Variants in ZRANB3 observed in about 807,000 individuals in gnomAD.
ZRANB3 encodes zinc finger RANBP2-type containing 3, also known as DNA annealing helicase and endonuclease ZRANB3.
In ZRANB3, 125 loss-of-function variants were observed where a neutral mutation model predicts 133.8. That is an observed-to-expected ratio of 0.93 (90% CI 0.81 to 1.08). ZRANB3 has a LOEUF of 1.08. ZRANB3 is among the 50% of genes least tolerant of loss of function. ZRANB3 has a pLI of 0.00. For missense variants in ZRANB3, 1,229 were observed against 1,275.5 expected (o/e 0.96, Z 0.56); for synonymous variants, 387 against 432.7 (o/e 0.89, Z 1.31).
chr2:135,340,104 C>CTTTTTT (rs769541283), intron 6 of ZRANB3, among the ~76,000 whole-genome samples: 3 of 123,772 alleles, frequency 2.4e-5, no homozygotes, highest in African/African-American at 2.9e-5. Context: ...TGTCCCTTTT[C>CTTTTTT]TTTTTTTTTT....
chr2:135,370,604 C>T (rs1180072375), intron 3 of ZRANB3, among the ~76,000 whole-genome samples: 2 of 151,972 alleles, frequency 1.3e-5, no homozygotes, highest in Non-Finnish European at 2.9e-5. Context: ...TCAATGGATA[C>T]AGGAAAAAAA....
At chr2:135,220,453 A>G (rs1694492606) in intron 15 of ZRANB3, among the ~76,000 whole-genome samples, 1 of 151,964 alleles carries the variant, frequency 6.6e-6, no homozygotes, top group Admixed American at 6.6e-5. Flanking sequence ...TACTCCCAGC[A>G]CTTTGGGAGG....
At chr2:135,380,633 G>A (rs959765495) in intron 3 of ZRANB3, among the ~76,000 whole-genome samples, 6 of 152,076 alleles carry the variant, frequency 3.9e-5, no homozygotes, top group Admixed American at 2.6e-4. Context: ...AAGACACAAC[G>A]TACCAGAATC....
At chr2:135,319,413 T>C (rs571799361) in intron 6 of ZRANB3, among the ~76,000 whole-genome samples, 10 of 152,306 alleles carry the variant, frequency 6.6e-5, no homozygotes, top group South Asian at 6.2e-4. Flanking sequence ...CTTCAGTCTT[T>C]ACTCAAGCAT....
chr2:135,297,279 G>T (rs1682174870), intron 8 of ZRANB3, among the ~76,000 whole-genome samples: 1 of 152,164 alleles, frequency 6.6e-6, no homozygotes, highest in Non-Finnish European at 1.5e-5. Flanking sequence ...GGCAATGGGG[G>T]GCACCCCTCC....
chr2:135,211,877 A>G (rs918026994), intron 17 of ZRANB3, among the ~76,000 whole-genome samples: 2 of 152,222 alleles, frequency 1.3e-5, no homozygotes, highest in Non-Finnish European at 2.9e-5. Flanking sequence ...TATAGAATAA[A>G]TCCCCAGAAG....
chr2:135,404,498 G>C (rs1217697202), intron 2 of ZRANB3, among the ~76,000 whole-genome samples: 1 of 152,200 alleles, frequency 6.6e-6, no homozygotes, highest in Non-Finnish European at 1.5e-5. Flanking sequence ...AAGTGACAGG[G>C]AGAATGGAAC....
intron 2 of ZRANB3, among the ~76,000 whole-genome samples, chr2:135,500,893 G>C (rs550309756): frequency 6.6e-6 from 1 of 151,838 alleles, no homozygotes; most frequent in African/African-American, 2.4e-5. Context: ...AAATATAAGA[G>C]ACATTAATAG....
At position 135,297,568 on chromosome 2, in the gene ZRANB3, C is replaced by T. The variant is rs60556106; in HGVS notation, c.966+15921G>A. 7.4e-4 allele frequency among the ~76,000 whole-genome samples: 112 copies of T among 152,294 alleles called. 2 individuals are homozygous for T. In the East Asian group the frequency reaches 0.018, roughly 25 times the overall value. On this transcript the variant is annotated intron_variant, in intron 8 of 20. Coordinates refer to ENST00000264159, the MANE Select transcript of ZRANB3 (RefSeq NM_032143.4). Reference sequence around the variant, plus strand: ...GCCCTGCTTTGGCTCATGCACCGTGCGCTGCACCCACTGTCCTGCACCCAC... The same window carrying T: ...GCCCTGCTTTGGCTCATGCACCGTGTGCTGCACCCACTGTCCTGCACCCAC...
At chr2:135,280,294 G>A (rs1303940508) in intron 8 of ZRANB3, among the ~76,000 whole-genome samples, 3 of 152,174 alleles carry the variant, frequency 2.0e-5, no homozygotes, top group Admixed American at 1.3e-4. Flanking sequence ...CAGGCCAGGC[G>A]TGGGGGCTCA....
intron 3 of ZRANB3, among the ~76,000 whole-genome samples, chr2:135,386,977 T>A (rs1407397951): frequency 1.4e-5 from 2 of 146,588 alleles, no homozygotes; most frequent in Non-Finnish European, 3.0e-5. Flanking sequence ...GTACCCTAGA[T>A]CTTAAAGAAT....
chr2:135,485,976 A>T (rs1262623657), intron 2 of ZRANB3, among the ~76,000 whole-genome samples: 1 of 152,180 alleles, frequency 6.6e-6, no homozygotes, highest in Non-Finnish European at 1.5e-5. Context: ...TACATATATC[A>T]ATTATTATTA....
intron 8 of ZRANB3, among the ~76,000 whole-genome samples, chr2:135,305,885 C>T (rs917256590): frequency 4.6e-5 from 7 of 151,562 alleles, no homozygotes; most frequent in African/African-American, 1.7e-4. Flanking sequence ...TTTTTTCTTC[C>T]TTTCAGCAAA....
At chr2:135,264,111 G>T (rs777501545) in intron 12 of ZRANB3, among the ~76,000 whole-genome samples, 2 of 151,554 alleles carry the variant, frequency 1.3e-5, no homozygotes, top group Non-Finnish European at 2.9e-5. Context: ...TTTTTAAAGT[G>T]GGGAGGTAAA....
chr2:135,493,834 C>G (rs2104809587), intron 2 of ZRANB3, among the ~76,000 whole-genome samples: 1 of 152,250 alleles, frequency 6.6e-6, no homozygotes, highest in South Asian at 2.1e-4. Context: ...TTAAGACTAT[C>G]TTTATTCATA....
chr2:135,270,421 G>A (rs1315003963), intron 10 of ZRANB3, among the ~76,000 whole-genome samples: 2 of 152,070 alleles, frequency 1.3e-5, no homozygotes, highest in African/African-American at 4.8e-5. Context: ...AAGTATATGA[G>A]TCTTGATTTA....
chr2:135,266,645 G>T (rs940776142), intron 11 of ZRANB3, among the ~76,000 whole-genome samples: 2 of 151,598 alleles, frequency 1.3e-5, no homozygotes, highest in African/African-American at 4.8e-5. Context: ...GGCGCCTGTA[G>T]TCCCAGCTAC....
At chr2:135,519,141 G>A (rs986354822) in intron 1 of ZRANB3, among the ~76,000 whole-genome samples, 2 of 152,162 alleles carry the variant, frequency 1.3e-5, no homozygotes, top group African/African-American at 4.8e-5. Flanking sequence ...AGTGGTTGTG[G>A]CTATAAGAAG....
chr2:135,370,033 C>CT lies in ZRANB3; in HGVS notation c.181-16406dup, dbSNP rs548070677. ...ACTTGATTAGAGGGAGGGCATGTTT[C>CT]TTTTTTTTTTTTTTTTTTTAATATC... is the stretch of plus-strand genomic sequence containing the variant. On this transcript the variant is annotated intron_variant, in intron 3 of 20. Coordinates refer to ENST00000264159, the MANE Select transcript of ZRANB3 (RefSeq NM_032143.4). 5.8e-3 allele frequency among the ~76,000 whole-genome samples: 693 copies of CT among 119,340 alleles called. 5 individuals carry two copies. The highest frequency in any genetic ancestry group is 0.014 in the African/African-American group (530 of 36,684). 78.3% of individuals were successfully genotyped at this position (119,340 alleles called of 152,430 possible).
Sources: gnomAD v4.1 joint callset for allele counts (sites outside exome capture counted in the v4.1 genomes callset) on GRCh38, gnomAD v4.1.1 for gene constraint, MANE v1.5 for transcripts, NCBI Gene and HGNC (gene_info 2026-07-23, HGNC 2026-07-21) for gene names.